SLC25A13: variants seen among roughly 807,000 people sequenced by gnomAD.
The protein encoded by SLC25A13 is solute carrier family 25 member 13.
Under a neutral mutation model 85.5 loss-of-function variants are expected in SLC25A13, and 70 were observed. That is an observed-to-expected ratio of 0.82 (90% CI 0.68 to 1.00). The LOEUF (loss-of-function observed/expected upper bound fraction) is 1.00. SLC25A13 is among the 50% of genes least tolerant of loss of function. The probability of loss-of-function intolerance (pLI) is 0.00; values close to 1 mark genes in which losing one functional copy is unlikely to be tolerated. For synonymous variants in SLC25A13, 259 were observed against 288.7 expected, an observed-to-expected ratio of 0.90 and a Z score of 1.04; for missense variants, 765 against 819.8, an observed-to-expected ratio of 0.93 and a Z score of 0.82.
intron 1 of SLC25A13, among the ~76,000 whole-genome samples, chr7:96,312,985 A>G (rs1800001842): frequency 6.6e-6 from 1 of 152,238 alleles, no homozygotes; most frequent in South Asian, 2.1e-4. Flanking sequence ...ACTTAATTGA[A>G]CTAACTAGAA....
At chr7:96,314,569 AG>A (rs1800063987) in intron 1 of SLC25A13, among the ~76,000 whole-genome samples, 1 of 152,114 alleles carries the variant, frequency 6.6e-6, no homozygotes, top group Non-Finnish European at 1.5e-5. Flanking sequence ...AAACCCACAG[AG>A]TCTTATGAGG....
chr7:96,213,150 G>A (rs1795767109), intron 4 of SLC25A13, among the ~76,000 whole-genome samples: 1 of 151,988 alleles, frequency 6.6e-6, no homozygotes, highest in South Asian at 2.1e-4. Context: ...ATCATCCTAG[G>A]GCATTCATTT....
At chr7:96,145,759 C>G (rs1195954668) in intron 14 of SLC25A13, among the ~76,000 whole-genome samples, 1 of 152,070 alleles carries the variant, frequency 6.6e-6, no homozygotes, top group Non-Finnish European at 1.5e-5. Flanking sequence ...ATTCAAAATT[C>G]ATGAATAATT....
intron 3 of SLC25A13, among the ~76,000 whole-genome samples, chr7:96,272,739 TTA>T (rs1471718909): frequency 1.3e-5 from 2 of 152,128 alleles, no homozygotes; most frequent in African/African-American, 4.8e-5. Context: ...ATCCAGTAAT[TTA>T]TGTTGATAAA....
intron 4 of SLC25A13, among the ~76,000 whole-genome samples, chr7:96,230,602 T>C (rs1796506667): frequency 6.6e-6 from 1 of 152,222 alleles, no homozygotes; most frequent in South Asian, 2.1e-4. Context: ...CACCCTGTCA[T>C]ATACCTGTTG....
chr7:96,160,756 G>A (rs1423266524), intron 13 of SLC25A13, among the ~76,000 whole-genome samples: 1 of 152,146 alleles, frequency 6.6e-6, no homozygotes, highest in Non-Finnish European at 1.5e-5. Flanking sequence ...TAGCACCCAT[G>A]AGCCCTTAGT....
intron 14 of SLC25A13, among the ~76,000 whole-genome samples, chr7:96,136,806 G>A (rs1792306971): frequency 6.6e-6 from 1 of 152,170 alleles, no homozygotes; most frequent in South Asian, 2.1e-4. Context: ...GGAGACGGAG[G>A]CTTAACAGAG....
In SLC25A13 at chr7:96,162,864, A is replaced by G. The variant is rs141761495; in HGVS notation, c.1311+7181T>C. On this transcript the variant is annotated intron_variant, in intron 13 of 17. Transcript: ENST00000265631. ...TCAATTCTCAAGAGCCTTCAGTTTC[A>G]TTTAATGGGTACCCTTAAAGTAAAC... 9.8e-3 allele frequency among the ~76,000 whole-genome samples: 1,492 copies of G among 152,294 alleles called. 19 individuals are homozygous for G. The highest frequency in any genetic ancestry group is 0.033 in the African/African-American group (1,392 of 41,560).
chr7:96,124,018 G>C (rs180890829), intron 15 of SLC25A13, among the ~76,000 whole-genome samples: 1 of 152,320 alleles, frequency 6.6e-6, no homozygotes, highest in African/African-American at 2.4e-5. Flanking sequence ...GGACTGGCAG[G>C]CTGCCTGATT....
intron 13 of SLC25A13, among the ~76,000 whole-genome samples, chr7:96,154,952 C>T (rs772227423): frequency 2.6e-5 from 4 of 152,076 alleles, no homozygotes; most frequent in Non-Finnish European, 5.9e-5. Flanking sequence ...GTGTACGCCA[C>T]CATACCTGGC....
intron 1 of SLC25A13, among the ~76,000 whole-genome samples, chr7:96,315,287 C>G (rs1276398832): frequency 6.6e-6 from 1 of 152,188 alleles, no homozygotes; most frequent in African/African-American, 2.4e-5. Flanking sequence ...CAGCAGGTCT[C>G]TTGAAGCAAT....
intron 15 of SLC25A13, among the ~76,000 whole-genome samples, chr7:96,130,138 C>T (rs905474891): frequency 1.3e-5 from 2 of 151,980 alleles, no homozygotes; most frequent in Non-Finnish European, 2.9e-5. Context: ...TTCTATAGCT[C>T]TGGTAGAATG....
At chr7:96,282,017 T>C (rs547180060) in intron 2 of SLC25A13, among the ~76,000 whole-genome samples, 1 of 152,288 alleles carries the variant, frequency 6.6e-6, no homozygotes, top group South Asian at 2.1e-4. Flanking sequence ...GAACGGACTA[T>C]ATCCTTATAT....
intron 13 of SLC25A13, among the ~76,000 whole-genome samples, chr7:96,158,438 G>GTAATTTAA (rs1372740704): frequency 1.3e-5 from 2 of 152,130 alleles, no homozygotes; most frequent in Admixed American, 1.3e-4. Context: ...AAATATAACT[G>GTAATTTAA]TAATTTAATC....
intron 5 of SLC25A13, 110 bp from the exon 6 acceptor site, chr7:96,193,293 C>T: frequency 7.5e-7 from 1 of 1,335,140 alleles, no homozygotes; most frequent in South Asian, 1.3e-5. Flanking sequence ...ACATCTTGAT[C>T]TAACAAGCCC....
intron 2 of SLC25A13, among the ~76,000 whole-genome samples, chr7:96,280,601 G>T (rs542882781): frequency 4.6e-5 from 7 of 152,224 alleles, no homozygotes; most frequent in African/African-American, 1.7e-4. Flanking sequence ...TGTAGTCCCA[G>T]CTACTTGGGA....
At chr7:96,161,001 T>C (rs1240957431) in intron 13 of SLC25A13, among the ~76,000 whole-genome samples, 1 of 151,628 alleles carries the variant, frequency 6.6e-6, no homozygotes, top group Non-Finnish European at 1.5e-5. Flanking sequence ...TGGCTATTAA[T>C]TGGCTCCTCC....
intron 4 of SLC25A13, among the ~76,000 whole-genome samples, chr7:96,210,616 A>C (rs1184553221): frequency 6.6e-6 from 1 of 152,206 alleles, no homozygotes; most frequent in African/African-American, 2.4e-5. Flanking sequence ...AAACATATTA[A>C]CCGAGATAAT....
intron 4 of SLC25A13, among the ~76,000 whole-genome samples, chr7:96,214,626 C>T (rs1268747413): frequency 1.3e-5 from 2 of 152,084 alleles, no homozygotes; most frequent in Non-Finnish European, 2.9e-5. Flanking sequence ...ACTCAGGAGG[C>T]TGAGGCAGGA....
Sources: gnomAD v4.1 joint callset for allele counts (sites outside exome capture counted in the v4.1 genomes callset) on GRCh38, gnomAD v4.1.1 for gene constraint, MANE v1.5 for transcripts, NCBI Gene and HGNC (gene_info 2026-07-23, HGNC 2026-07-21) for gene names.